FER1L6: variants seen among roughly 807,000 people sequenced by gnomAD.
The protein encoded by FER1L6 is fer-1-like protein 6.
A neutral mutation model predicts 219.2 loss-of-function variants in FER1L6; 177 were observed. The observed-to-expected ratio is 0.81, with a 90% CI of 0.71 to 0.91. The LOEUF is 0.91. Among genes scored for constraint, FER1L6 ranks in the 40% least tolerant of loss-of-function variants. FER1L6 has a pLI of 0.00. For missense variants in FER1L6, 2,153 were observed against 2,259.9 expected, an observed-to-expected ratio of 0.95 and a Z score of 0.96; for synonymous variants, 768 against 824.3, an observed-to-expected ratio of 0.93 and a Z score of 1.17.
At chr8:123,934,509 C>T (rs1320650321) in intron 1 of FER1L6, among the ~76,000 whole-genome samples, 1 of 150,306 alleles carries the variant, frequency 6.7e-6, no homozygotes, top group Non-Finnish European at 1.5e-5. Flanking sequence ...CTTGATTATT[C>T]CTTTATAAGT....
chr8:123,916,763 T>C (rs1482118382), intron 1 of FER1L6, among the ~76,000 whole-genome samples: 1 of 152,212 alleles, frequency 6.6e-6, no homozygotes, highest in Non-Finnish European at 1.5e-5. Flanking sequence ...GAACAGCTCC[T>C]GTCTTGAGCC....
At chr8:123,920,459 C>T (rs950780848) in intron 1 of FER1L6, among the ~76,000 whole-genome samples, 20 of 152,160 alleles carry the variant, frequency 1.3e-4, no homozygotes, top group East Asian at 5.8e-4. Flanking sequence ...TGAAGAACCG[C>T]GATTAGACTG....
chr8:123,971,099 A>G (rs1815788634), intron 6 of FER1L6, among the ~76,000 whole-genome samples: 1 of 152,228 alleles, frequency 6.6e-6, no homozygotes, highest in South Asian at 2.1e-4. Flanking sequence ...TGTGAGGATG[A>G]CAAAACTTGT....
chr8:124,029,294 G>A (rs1322862406), intron 18 of FER1L6, among the ~76,000 whole-genome samples: 1 of 152,198 alleles, frequency 6.6e-6, no homozygotes, highest in Non-Finnish European at 1.5e-5. Flanking sequence ...GGTATATAGA[G>A]AGTAGTGGGA....
intron 1 of FER1L6, among the ~76,000 whole-genome samples, chr8:123,937,087 G>C (rs1359774686): frequency 6.6e-6 from 1 of 152,092 alleles, no homozygotes; most frequent in Non-Finnish European, 1.5e-5. Context: ...TGTATTTTTA[G>C]TAGAGGCGGG....
At chr8:123,878,933 C>T (rs1021780844) in intron 1 of FER1L6, among the ~76,000 whole-genome samples, 4 of 152,162 alleles carry the variant, frequency 2.6e-5, no homozygotes, top group Admixed American at 6.5e-5. Flanking sequence ...AGGCTCTTTG[C>T]CTGAGGCCAC....
intron 1 of FER1L6, among the ~76,000 whole-genome samples, chr8:123,892,015 G>A (rs370568070): frequency 3.0e-4 from 46 of 152,276 alleles, no homozygotes; most frequent in South Asian, 1.0e-3. Flanking sequence ...CCCATGTGCC[G>A]AAATAACAGG....
At chr8:124,110,857 T>C (rs775491063) in intron 39 of FER1L6, among the ~76,000 whole-genome samples, 3 of 152,144 alleles carry the variant, frequency 2.0e-5, no homozygotes, top group Non-Finnish European at 4.4e-5. Context: ...TTTTTAAACA[T>C]ATTTATTTTT....
At chr8:123,967,145 G>A (rs559886876) in intron 5 of FER1L6, among the ~76,000 whole-genome samples, 87 of 151,384 alleles carry the variant, frequency 5.7e-4, no homozygotes, top group African/African-American at 2.0e-3. Flanking sequence ...AAAGTATAAC[G>A]ATATAGAGTA....
intron 12 of FER1L6, among the ~76,000 whole-genome samples, chr8:123,999,223 C>T (rs1817289956): frequency 6.6e-6 from 1 of 152,222 alleles, no homozygotes; most frequent in African/African-American, 2.4e-5. Flanking sequence ...GTGGTGAGTA[C>T]TGCCTGGCTA....
chr8:123,961,774 C>T (rs1432047384), intron 2 of FER1L6, among the ~76,000 whole-genome samples: 2 of 151,976 alleles, frequency 1.3e-5, no homozygotes, highest in East Asian at 3.9e-4. Context: ...TAGAATTAGG[C>T]CCTATATGTA....
intron 1 of FER1L6, among the ~76,000 whole-genome samples, chr8:123,858,251 A>T (rs913700856): frequency 6.6e-6 from 1 of 152,194 alleles, no homozygotes; most frequent in Non-Finnish European, 1.5e-5. Context: ...AGTTCTGGAG[A>T]TGGCGTCTGT....
intron 1 of FER1L6, among the ~76,000 whole-genome samples, chr8:123,867,178 T>C (rs1816851521): frequency 1.3e-5 from 2 of 152,224 alleles, no homozygotes; most frequent in African/African-American, 2.4e-5. Context: ...TGTTTTCTTA[T>C]AGTAGCTTTG....
At chr8:123,867,246 G>T (rs1281256301) in intron 1 of FER1L6, among the ~76,000 whole-genome samples, 2 of 152,082 alleles carry the variant, frequency 1.3e-5, no homozygotes, top group East Asian at 3.9e-4. Context: ...TTTGTATATG[G>T]TGTGACATTT....
At chr8:123,871,601 C>T (rs1453628016) in intron 1 of FER1L6, among the ~76,000 whole-genome samples, 1 of 152,080 alleles carries the variant, frequency 6.6e-6, no homozygotes, top group Admixed American at 6.5e-5. Flanking sequence ...TCCAAGAGTC[C>T]ATCCTGATAT....
chr8:124,074,656 A>G (rs1001127667), intron 31 of FER1L6, among the ~76,000 whole-genome samples: 6 of 152,038 alleles, frequency 3.9e-5, no homozygotes, highest in Admixed American at 3.3e-4. Flanking sequence ...TGTCTAAAAA[A>G]AAAAAAAAAA....
chr8:123,866,034 C>T (rs7005687), intron 1 of FER1L6, among the ~76,000 whole-genome samples: 81,687 of 149,180 alleles, frequency 0.55, 23,395 homozygotes, highest in African/African-American at 0.67. Flanking sequence ...CAGTCTATCA[C>T]TGTTGGACAT....
intron 1 of FER1L6, among the ~76,000 whole-genome samples, chr8:123,954,789 A>C (rs755602108): frequency 1.2e-4 from 18 of 152,122 alleles, no homozygotes; most frequent in Non-Finnish European, 2.5e-4. Flanking sequence ...ATATAAGCAA[A>C]ATGGGAGACT....
chr8:123,933,469 C>G (rs1230864505), intron 1 of FER1L6, among the ~76,000 whole-genome samples: 1 of 152,008 alleles, frequency 6.6e-6, no homozygotes, highest in African/African-American at 2.4e-5. Flanking sequence ...TCACTTTCCC[C>G]CTAGTGCATA....
Sources: allele counts gnomAD v4.1 joint callset (sites outside exome capture counted in the v4.1 genomes callset), GRCh38; gene constraint gnomAD v4.1.1; transcripts MANE v1.5; gene names NCBI Gene and HGNC (gene_info 2026-07-23, HGNC 2026-07-21).